NRXN1: variants seen among roughly 807,000 people sequenced by gnomAD.
NRXN1 encodes neurexin 1, also known as neurexin-1.
Under a neutral mutation model 150.9 loss-of-function variants are expected in NRXN1, and 39 were observed. That is an observed-to-expected ratio of 0.26 (90% CI 0.20 to 0.34). NRXN1 has a LOEUF of 0.34. Among genes scored for constraint, NRXN1 ranks in the 10% least tolerant of loss-of-function variants. The probability of loss-of-function intolerance (pLI) is 1.00; values close to 1 mark genes in which losing one functional copy is unlikely to be tolerated. For missense variants in NRXN1, 1,815 were observed against 1,949.9 expected, an observed-to-expected ratio of 0.93 and a Z score of 1.30; for synonymous variants, 924 against 757.0, an observed-to-expected ratio of 1.22 and a Z score of -3.62.
intron 18 of NRXN1, among the ~76,000 whole-genome samples, chr2:50,179,298 C>G (rs2060549558): frequency 6.6e-6 from 1 of 152,198 alleles, no homozygotes; most frequent in African/African-American, 2.4e-5. Flanking sequence ...CACAGAGAAA[C>G]AAGATACATA....
intron 5 of NRXN1, among the ~76,000 whole-genome samples, chr2:50,655,016 C>T (rs1037653843): frequency 6.6e-6 from 1 of 151,856 alleles, no homozygotes; most frequent in African/African-American, 2.4e-5. Flanking sequence ...TAATTTGCAA[C>T]CTGGAGAAAA....
chr2:50,003,546 T>C (rs968395144), intron 21 of NRXN1, among the ~76,000 whole-genome samples: 1 of 152,156 alleles, frequency 6.6e-6, no homozygotes, highest in African/African-American at 2.4e-5. Flanking sequence ...GGCAACCTCC[T>C]TGAAGCTGCA....
At chr2:50,936,505 G>C (rs545174844) in intron 2 of NRXN1, among the ~76,000 whole-genome samples, 1 of 152,290 alleles carries the variant, frequency 6.6e-6, no homozygotes, top group East Asian at 1.9e-4. Context: ...CAGTAAGTAT[G>C]TGAAATGGCT....
At chr2:50,365,140 G>A (rs1398000821) in intron 17 of NRXN1, among the ~76,000 whole-genome samples, 2 of 151,762 alleles carry the variant, frequency 1.3e-5, no homozygotes, top group African/African-American at 4.8e-5. Flanking sequence ...TAAAAGTATA[G>A]GTGATTTTTA....
intron 8 of NRXN1, among the ~76,000 whole-genome samples, chr2:50,578,932 G>C (rs1465989579): frequency 6.6e-6 from 1 of 151,956 alleles, no homozygotes; most frequent in Non-Finnish European, 1.5e-5. Flanking sequence ...CAACACTGAG[G>C]GCATCTGGGG....
At chr2:49,998,232 G>C (rs1018921945) in intron 21 of NRXN1, among the ~76,000 whole-genome samples, 3 of 152,138 alleles carry the variant, frequency 2.0e-5, no homozygotes, top group African/African-American at 7.2e-5. Flanking sequence ...CCTGAACCTT[G>C]TCTCAACACA....
Position 49,922,150 on chromosome 2 carries a change from C to T in NRXN1, c.4318G>A (p.Ala1440Thr), listed in dbSNP as rs764870690. ...TTGMVVGIVAAAALCILILLY... is the reference protein window; with the variant it reads ...TTGMVVGIVATAALCILILLY... ...AGGATAAGGATGCACAGGGCGGCAG[C>T]GGCTACTATCCCAACGACCATACCC... The change falls in exon 23 of 23, where the codon GCT becomes ACT. Residue 1440 changes from alanine to threonine, a missense_variant. Around this residue, in one of 6 missense-constraint regions of NRXN1, gnomAD observed 265 missense variants for 307.1 expected, o/e 0.86. Coordinates refer to ENST00000401669, the MANE Select transcript of NRXN1 (RefSeq NM_001330078.2). 8 of 1,614,114 alleles carry T rather than the reference C, an allele frequency of 5.0e-6. No homozygotes were observed. Among genetic ancestry groups the T allele is most frequent in the Non-Finnish European group, 6.8e-6 (8 of 1,180,018 alleles).
At chr2:50,088,322 T>C (rs758975678) in intron 19 of NRXN1, among the ~76,000 whole-genome samples, 1 of 152,140 alleles carries the variant, frequency 6.6e-6, no homozygotes, top group South Asian at 2.1e-4. Flanking sequence ...AGCATCACAC[T>C]GAAATGAACA....
At chr2:50,476,977 T>C (rs570046533) in intron 15 of NRXN1, among the ~76,000 whole-genome samples, 1 of 152,168 alleles carries the variant, frequency 6.6e-6, no homozygotes, top group African/African-American at 2.4e-5. Flanking sequence ...TAACAGGTTT[T>C]TGTGGACTGT....
rs553478063 is a variant in NRXN1 at position 50,620,717 on chromosome 2, G to A, written c.1158+509C>T. Among the ~76,000 whole-genome samples the A allele has an allele frequency of 1.1e-4, 17 of 152,290 alleles. No homozygotes were observed. In the South Asian group the frequency reaches 3.5e-3, roughly 32 times the overall value. ...AGAAAAGGCAAAACAACCAGTAGAA[G>A]CGGCACACGCTGATGTGCACATGCA... On this transcript the variant is annotated intron_variant, in intron 7 of 22. Coordinates refer to ENST00000401669, the MANE Select transcript of NRXN1 (RefSeq NM_001330078.2).
chr2:50,362,999 C>T (rs2079330719), intron 17 of NRXN1, among the ~76,000 whole-genome samples: 1 of 152,116 alleles, frequency 6.6e-6, no homozygotes, highest in Admixed American at 6.5e-5. Context: ...GAAAGGATCC[C>T]CTATTTAATA....
At chr2:50,249,924 C>T (rs2066885299) in intron 17 of NRXN1, among the ~76,000 whole-genome samples, 1 of 152,120 alleles carries the variant, frequency 6.6e-6, no homozygotes, top group South Asian at 2.1e-4. Context: ...AGGCGTGAGC[C>T]ACCGTGCCTG....
intron 21 of NRXN1, among the ~76,000 whole-genome samples, chr2:50,015,430 AG>A (rs1686416900): frequency 6.9e-6 from 1 of 144,352 alleles, no homozygotes; most frequent in Non-Finnish European, 1.5e-5. Flanking sequence ...TGGCTGGAGT[AG>A]GGAGGAAGAA....
At chr2:50,434,272 C>T (rs1431817631) in intron 17 of NRXN1, among the ~76,000 whole-genome samples, 1 of 151,446 alleles carries the variant, frequency 6.6e-6, no homozygotes, top group African/African-American at 2.4e-5. Context: ...TTGGTAGAGA[C>T]AGGGTTTCAC....
chr2:50,564,329 G>T (rs1323788500), intron 8 of NRXN1, among the ~76,000 whole-genome samples: 1 of 152,114 alleles, frequency 6.6e-6, no homozygotes, highest in Non-Finnish European at 1.5e-5. Flanking sequence ...TCTTAAATGG[G>T]TAAGAGGGGA....
chr2:50,160,168 A>G (rs1359779702), intron 18 of NRXN1, among the ~76,000 whole-genome samples: 1 of 134,622 alleles, frequency 7.4e-6, no homozygotes, highest in Admixed American at 7.5e-5. Flanking sequence ...TGCAAAATTG[A>G]GTGTAATCAA....
intron 12 of NRXN1, 56 bp downstream of exon 12, chr2:50,528,569 C>G (rs1234630583): frequency 4.0e-6 from 4 of 988,128 alleles, no homozygotes; most frequent in Admixed American, 4.3e-5. Flanking sequence ...TTTTTCTTGA[C>G]TAGCTTACAT....
intron 5 of NRXN1, among the ~76,000 whole-genome samples, chr2:50,876,756 T>C (rs1678654156): frequency 6.6e-6 from 1 of 151,860 alleles, no homozygotes; most frequent in Non-Finnish European, 1.5e-5. Flanking sequence ...TCTTTATTTT[T>C]AAGCAGTAAC....
intron 21 of NRXN1, among the ~76,000 whole-genome samples, chr2:50,044,699 G>T (rs1323457862): frequency 2.0e-5 from 3 of 152,088 alleles, no homozygotes; most frequent in African/African-American, 7.2e-5. Context: ...TTTATGTATA[G>T]ATTCACTAGT....
Sources: allele counts gnomAD v4.1 joint callset (sites outside exome capture counted in the v4.1 genomes callset), GRCh38; gene constraint gnomAD v4.1.1; regional missense constraint gnomAD v4.1.1; transcripts MANE v1.5; gene names NCBI Gene and HGNC (gene_info 2026-07-23, HGNC 2026-07-21).